MYT1L: variants seen among roughly 807,000 people sequenced by gnomAD.
The protein encoded by MYT1L is myelin transcription factor 1 like, also known as myelin transcription factor 1-like protein.
Under a neutral mutation model 126.7 loss-of-function variants are expected in MYT1L, and 12 were observed. That is an observed-to-expected ratio of 0.09 (90% CI 0.06 to 0.15). The LOEUF is 0.15. Among genes scored for constraint, MYT1L ranks in the 10% least tolerant of loss-of-function variants. The pLI, the probability that MYT1L is intolerant of heterozygous loss-of-function variation, is 1.00. For missense variants in MYT1L, 979 were observed against 1,585.2 expected, an observed-to-expected ratio of 0.62 and a Z score of 6.49; for synonymous variants, 541 against 604.2, an observed-to-expected ratio of 0.90 and a Z score of 1.53.
At chr2:2,274,487 G>A (rs2095322422) in intron 2 of MYT1L, among the ~76,000 whole-genome samples, 1 of 151,084 alleles carries the variant, frequency 6.6e-6, no homozygotes, top group Admixed American at 6.6e-5. Context: ...GAGAATAAAG[G>A]GACATTCTTA....
chr2:2,015,362 T>C (rs2064267728), intron 4 of MYT1L, among the ~76,000 whole-genome samples: 1 of 152,178 alleles, frequency 6.6e-6, no homozygotes, highest in African/African-American at 2.4e-5. Context: ...GCCACGTTCT[T>C]GCATGGTTGT....
chr2:2,044,646 A>G (rs1346894470), intron 4 of MYT1L, among the ~76,000 whole-genome samples: 1 of 152,204 alleles, frequency 6.6e-6, no homozygotes, highest in Non-Finnish European at 1.5e-5. Flanking sequence ...CGTTGATAGT[A>G]TAAACGGACC....
intron 3 of MYT1L, among the ~76,000 whole-genome samples, chr2:2,094,919 A>AT (rs2077279954): frequency 6.6e-6 from 1 of 152,154 alleles, no homozygotes; most frequent in Non-Finnish European, 1.5e-5. Context: ...CTTAAAGTAT[A>AT]TAAAAAAAAG....
intron 8 of MYT1L, among the ~76,000 whole-genome samples, chr2:1,961,447 GT>G (rs1253102391): frequency 6.6e-6 from 1 of 152,200 alleles, no homozygotes; most frequent in Non-Finnish European, 1.5e-5. Flanking sequence ...TCTGTCCCTG[GT>G]TAGCCTGTGT....
intron 2 of MYT1L, among the ~76,000 whole-genome samples, chr2:2,192,632 C>T (rs2092646866): frequency 6.6e-6 from 1 of 152,146 alleles, no homozygotes; most frequent in Non-Finnish European, 1.5e-5. Context: ...TCTGGCTGTT[C>T]ATCTCTTCTT....
Position 1,993,463 on chromosome 2 carries a change from T to G in MYT1L, c.-1+3728A>C, listed in dbSNP as rs2061597134. On this transcript the variant is annotated intron_variant, in intron 5 of 24. Transcript: ENST00000647738. ...TCTGTTTACAAAACTTTTTTGTACT[T>G]GCTATTTTTCACTTAAAAAAAAATC... Among the ~76,000 whole-genome samples the G allele has an allele frequency of 4.6e-5, 7 of 152,234 alleles. No individual in the cohort carries two copies. In the South Asian group the frequency reaches 1.5e-3, roughly 32 times the overall value.
intron 4 of MYT1L, among the ~76,000 whole-genome samples, chr2:2,024,178 C>A (rs1037688547): frequency 6.6e-6 from 1 of 152,204 alleles, no homozygotes; most frequent in African/African-American, 2.4e-5. Context: ...TCAAAAGGCA[C>A]CCATTCAAGA....
chr2:2,020,175 A>C (rs1378575895), intron 4 of MYT1L, among the ~76,000 whole-genome samples: 2 of 152,192 alleles, frequency 1.3e-5, no homozygotes, highest in African/African-American at 2.4e-5. Context: ...CTTGATTGTC[A>C]GGATTGGTGG....
At chr2:1,925,979 C>T (rs1476895177) in intron 9 of MYT1L, among the ~76,000 whole-genome samples, 2 of 152,146 alleles carry the variant, frequency 1.3e-5, no homozygotes, top group Non-Finnish European at 2.9e-5. Context: ...GAGCCGACTG[C>T]TGGGGAGAGC....
At chr2:1,936,455 A>G (rs1450641889) in intron 9 of MYT1L, among the ~76,000 whole-genome samples, 1 of 152,202 alleles carries the variant, frequency 6.6e-6, no homozygotes, top group Non-Finnish European at 1.5e-5. Flanking sequence ...GTAGCTGCAC[A>G]TGCCATGTCC....
At chr2:2,227,108 A>AT (rs1409036656) in intron 2 of MYT1L, among the ~76,000 whole-genome samples, 9 of 151,558 alleles carry the variant, frequency 5.9e-5, no homozygotes, top group East Asian at 5.8e-4. Flanking sequence ...GATCCCTTCC[A>AT]CCCTGGGGAT....
chr2:1,822,186 G>A (rs2038639779), intron 21 of MYT1L, among the ~76,000 whole-genome samples: 2 of 152,280 alleles, frequency 1.3e-5, no homozygotes, highest in East Asian at 1.9e-4. Context: ...TGGGCTGGGC[G>A]GCTCCCAGTG....
intron 3 of MYT1L, among the ~76,000 whole-genome samples, chr2:2,074,086 A>G (rs903896456): frequency 3.9e-5 from 6 of 152,260 alleles, no homozygotes; most frequent in Non-Finnish European, 8.8e-5. Flanking sequence ...TCTATTGAAA[A>G]TGTTAAGAGA....
chr2:2,261,581 G>A (rs1380855266), intron 2 of MYT1L, among the ~76,000 whole-genome samples: 2 of 152,244 alleles, frequency 1.3e-5, no homozygotes, highest in Non-Finnish European at 2.9e-5. Flanking sequence ...GTTCAGATTT[G>A]GCTAATGAGG....
intron 3 of MYT1L, among the ~76,000 whole-genome samples, chr2:2,061,295 G>C (rs1332619434): frequency 2.0e-5 from 3 of 152,218 alleles, no homozygotes; most frequent in Non-Finnish European, 4.4e-5. Context: ...GAGGGGTGCA[G>C]AGCCGAGTCA....
At position 2,108,258 on chromosome 2, in the gene MYT1L, C is replaced by T. The variant is rs138579302; in HGVS notation, c.-303-54135G>A. 1.2e-3 allele frequency among the ~76,000 whole-genome samples: 180 copies of T among 152,304 alleles called. 1 individual carries two copies. The highest frequency in any genetic ancestry group is 3.2e-3 in the African/African-American group (135 of 41,558). On this transcript the variant is annotated intron_variant, in intron 3 of 24. Coordinates refer to ENST00000647738, the MANE Select transcript of MYT1L (RefSeq NM_001303052.2). Reference sequence around the variant, plus strand: ...GTGCTATGCAAGGCAGAGGAACAGACGGAGCTGTGGCCACACTGCGTATGC... The same window carrying T: ...GTGCTATGCAAGGCAGAGGAACAGATGGAGCTGTGGCCACACTGCGTATGC...
chr2:1,973,819 G>C lies in MYT1L; in HGVS notation c.152+5346C>G, dbSNP rs78912271. Among the ~76,000 whole-genome samples the C allele has an allele frequency of 4.0e-3, 604 of 152,326 alleles. 4 individuals are homozygous for C. Among genetic ancestry groups the C allele is most frequent in the African/African-American group, 0.014 (581 of 41,578 alleles). ...GTGTCTGCATTAGGCAATGAGCTCA[G>C]TAGCAGCAGATGCAGCTCCCCAGGC... On this transcript the variant is annotated intron_variant, in intron 8 of 24. Coordinates refer to ENST00000647738, the MANE Select transcript of MYT1L (RefSeq NM_001303052.2).
intron 3 of MYT1L, among the ~76,000 whole-genome samples, chr2:2,159,365 T>C (rs1378885106): frequency 6.6e-6 from 1 of 152,168 alleles, no homozygotes; most frequent in Non-Finnish European, 1.5e-5. Flanking sequence ...TCCTCTCCAC[T>C]GCAAATGCGT....
rs572872204 is a variant in MYT1L at position 1,994,455 on chromosome 2, T to G, written c.-1+2736A>C. 1.6e-4 allele frequency among the ~76,000 whole-genome samples: 24 copies of G among 152,198 alleles called. No homozygotes were observed. The South Asian group carries it at 4.6e-3, about 29-fold the overall frequency. Reference sequence around the variant, plus strand: ...GCCCCCTCCTCCCAGCGAGTCCTCCTGGGGGCATCTGACTCCACTGACTCC... The same window carrying G: ...GCCCCCTCCTCCCAGCGAGTCCTCCGGGGGGCATCTGACTCCACTGACTCC... On this transcript the variant is annotated intron_variant, in intron 5 of 24. Coordinates refer to ENST00000647738, the MANE Select transcript of MYT1L (RefSeq NM_001303052.2).
Sources: allele counts gnomAD v4.1 joint callset (sites outside exome capture counted in the v4.1 genomes callset), GRCh38; gene constraint gnomAD v4.1.1; transcripts MANE v1.5; gene names NCBI Gene and HGNC (gene_info 2026-07-23, HGNC 2026-07-21).